Variants in TAF13 observed in about 807,000 individuals in gnomAD.
The protein encoded by TAF13 is TATA-box binding protein associated factor 13, also known as transcription initiation factor TFIID subunit 13.
A neutral mutation model predicts 18.7 loss-of-function variants in TAF13; 9 were observed. The observed-to-expected ratio is 0.48, with a 90% CI of 0.29 to 0.84. The LOEUF (loss-of-function observed/expected upper bound fraction) is 0.84. TAF13 is among the 40% of genes least tolerant of loss of function. TAF13 has a pLI of 0.08. For synonymous variants in TAF13, 49 were observed against 44.1 expected, an observed-to-expected ratio of 1.11 and a Z score of -0.44; for missense variants, 105 against 146.5, an observed-to-expected ratio of 0.72 and a Z score of 1.46.
In TAF13 at chr1:109,073,759, G is replaced by A. The variant is rs554492184; in HGVS notation, c.106+1228C>T. 5.3e-5 allele frequency among the ~76,000 whole-genome samples: 8 copies of A among 152,344 alleles called. No individual in the cohort carries two copies. The East Asian group carries it at 1.5e-3, about 29-fold the overall frequency. ...GCCTGCCTTGGCCTCCCAAAGTGCT[G>A]AGATTGCAGCCTCTGCCCGGCTGCC... is the stretch of plus-strand genomic sequence containing the variant. On this transcript the variant is annotated intron_variant, in intron 2 of 3. Coordinates refer to ENST00000338366, the MANE Select transcript of TAF13 (RefSeq NM_005645.4).
At chr1:109,070,845 C>T (rs141711872) in intron 2 of TAF13, among the ~76,000 whole-genome samples, 6 of 152,326 alleles carry the variant, frequency 3.9e-5, no homozygotes, top group East Asian at 1.9e-4. Context: ...TGCTAACAAC[C>T]GACTGAACAT....
chr1:109,073,935 G>C (rs927604348), intron 2 of TAF13, among the ~76,000 whole-genome samples: 2 of 151,522 alleles, frequency 1.3e-5, no homozygotes, highest in Admixed American at 1.3e-4. Context: ...ACCGCTGCCC[G>C]GCCGCCACCC....
At chr1:109,074,569 T>A (rs1407746042) in intron 2 of TAF13, among the ~76,000 whole-genome samples, 2 of 151,544 alleles carry the variant, frequency 1.3e-5, no homozygotes, top group East Asian at 1.9e-4. Flanking sequence ...CCAAGAATGA[T>A]CAATAAATAC....
At chr1:109,065,853 G>A (rs1196579611) in intron 3 of TAF13, among the ~76,000 whole-genome samples, 1 of 151,494 alleles carries the variant, frequency 6.6e-6, no homozygotes, top group Non-Finnish European at 1.5e-5. Flanking sequence ...TCCGGGAGAC[G>A]GAGGTTGCAG....
chr1:109,064,692 G>T lies in TAF13; in HGVS notation c.206C>A (p.Thr69Asn). The change falls in exon 4 of 4, where the codon ACT becomes AAT. Residue 69 changes from threonine to asparagine, a missense_variant and splice_region_variant. Transcript: ENST00000338366. ...DLVIEFITEMTHKAMSIGRQG... is the reference protein window; with the variant it reads ...DLVIEFITEMNHKAMSIGRQG... ...TCTTCCAATTGACATTGCCTTGTGA[G>T]TCTATTACAAAGAAACATATTACAT... 6.8e-7 allele frequency: 1 copy of T among 1,472,170 alleles called. No individual in the cohort carries two copies. Among genetic ancestry groups the T allele is most frequent in the Non-Finnish European group, 9.0e-7 (1 of 1,109,580 alleles). 91.2% of individuals were successfully genotyped at this position (1,472,170 alleles called of 1,614,324 possible).
At chr1:109,070,435 T>C (rs1664029002) in intron 2 of TAF13, among the ~76,000 whole-genome samples, 1 of 152,196 alleles carries the variant, frequency 6.6e-6, no homozygotes, top group Non-Finnish European at 1.5e-5. Flanking sequence ...GCCAGGCTGG[T>C]CTGGATCTGC....
intron 2 of TAF13, 61 bp from the exon 3 acceptor site, chr1:109,066,293 A>T: frequency 2.9e-6 from 4 of 1,361,878 alleles, no homozygotes; most frequent in East Asian, 2.4e-5. Flanking sequence ...TTGATACTTT[A>T]AAAAAATAAA....
In TAF13 at chr1:109,064,440, G is replaced by C; in HGVS notation, c.*83C>G. The C allele has an allele frequency of 8.4e-7, 1 of 1,197,048 alleles. No homozygotes were observed. Among genetic ancestry groups the C allele is most frequent in the Non-Finnish European group, 1.1e-6 (1 of 914,942 alleles). 74.2% of individuals were successfully genotyped at this position (1,197,048 alleles called of 1,614,324 possible). ...TCTCCATCTTTCATTTACATGGCTA[G>C]ATATCAGAATCTTACTTTAGAAAAT... On this transcript the variant is annotated 3_prime_UTR_variant, in exon 4 of 4. Transcript: ENST00000338366.
chr1:109,073,999 A>G (rs1421215887), intron 2 of TAF13, among the ~76,000 whole-genome samples: 1 of 151,346 alleles, frequency 6.6e-6, no homozygotes, highest in Non-Finnish European at 1.5e-5. Flanking sequence ...CTGGGAACTG[A>G]GGAGCGCCTC....
At position 109,066,445 on chromosome 1, in the gene TAF13, T is replaced by C. The variant is rs546751283; in HGVS notation, c.107-213A>G. The stretch of plus-strand genomic sequence containing the variant: ...GTTCCCACGTAGCCTCCAGCAAAAC[T>C]CTTCCTTCCTCCCACCTACTGAACC... On this transcript the variant is annotated intron_variant, in intron 2 of 3. Coordinates refer to ENST00000338366, the MANE Select transcript of TAF13 (RefSeq NM_005645.4). Among the ~76,000 whole-genome samples the C allele has an allele frequency of 3.3e-5, 5 of 152,266 alleles. No individual in the cohort carries two copies. In the East Asian group the frequency reaches 9.6e-4, roughly 29 times the overall value.
intron 2 of TAF13, among the ~76,000 whole-genome samples, chr1:109,068,633 C>A (rs1279076829): frequency 6.6e-6 from 1 of 152,174 alleles, no homozygotes; most frequent in East Asian, 1.9e-4. Context: ...CAGGTGTGAG[C>A]CACCACACCC....
intron 1 of TAF13, among the ~76,000 whole-genome samples, chr1:109,075,531 T>C (rs1414906154): frequency 3.3e-5 from 5 of 152,200 alleles, no homozygotes; most frequent in Admixed American, 3.3e-4. Flanking sequence ...AATAACTTGC[T>C]CAGAGAGAAT....
intron 3 of TAF13, 91 bp from the exon 4 acceptor site, chr1:109,064,784 G>A (rs1325664051): frequency 5.7e-6 from 6 of 1,054,162 alleles, no homozygotes; most frequent in Non-Finnish European, 7.6e-6. Flanking sequence ...TGAGGTAGAA[G>A]ATTTTCTCTT....
At position 109,071,954 on chromosome 1, in the gene TAF13, G is replaced by GAAAAAAAAAAA. The variant is rs1171636503; in HGVS notation, c.106+3032_106+3033insTTTTTTTTTTT. ...CAACAGTGAGACTCTGTCTCAAAAAGAAAATATATATATATATATATACAC... is the reference window on the plus strand; with the variant it reads ...CAACAGTGAGACTCTGTCTCAAAAAGAAAAAAAAAAAAAAATATATATATATATATATACAC... On this transcript the variant is annotated intron_variant, in intron 2 of 3. Transcript: ENST00000338366. Among the ~76,000 whole-genome samples the GAAAAAAAAAAA allele has an allele frequency of 1.2e-4, 5 of 40,484 alleles. 1 individual carries two copies. Among genetic ancestry groups the GAAAAAAAAAAA allele is most frequent in the South Asian group, 3.1e-3 (2 of 646 alleles). 26.6% of individuals were successfully genotyped at this position (40,484 alleles called of 152,430 possible).
intron 2 of TAF13, among the ~76,000 whole-genome samples, chr1:109,073,926 C>A (rs551903632): frequency 2.0e-4 from 30 of 151,860 alleles, no homozygotes; most frequent in African/African-American, 7.2e-4. Flanking sequence ...GTGAGGAGCA[C>A]CGCTGCCCGG....
chr1:109,066,256 T>A, intron 2 of TAF13, 24 bp from the exon 3 acceptor site: 2 of 1,549,208 alleles, frequency 1.3e-6, no homozygotes, highest in Non-Finnish European at 1.7e-6. Context: ...ATCACTTACT[T>A]TTGTTTACTT....
chr1:109,074,779 C>CAA (rs35227534), intron 2 of TAF13, among the ~76,000 whole-genome samples: 4,182 of 104,990 alleles, frequency 0.04, 193 homozygotes, highest in African/African-American at 0.13. Flanking sequence ...GACTCCGTCT[C>CAA]AAAAAAAAAA....
intron 2 of TAF13, among the ~76,000 whole-genome samples, chr1:109,072,998 G>C (rs1291713696): frequency 6.6e-6 from 1 of 151,758 alleles, no homozygotes; most frequent in Non-Finnish European, 1.5e-5. Flanking sequence ...CTCCCAAAGT[G>C]CTGGGATTAC....
At chr1:109,069,627 C>T (rs1347659289) in intron 2 of TAF13, among the ~76,000 whole-genome samples, 1 of 151,330 alleles carries the variant, frequency 6.6e-6, no homozygotes, top group African/African-American at 2.4e-5. Context: ...ATTTATTGTA[C>T]CTAAGTTTTT....
Sources: gnomAD v4.1 joint callset for allele counts (sites outside exome capture counted in the v4.1 genomes callset) on GRCh38, gnomAD v4.1.1 for gene constraint, MANE v1.5 for transcripts, NCBI Gene and HGNC (gene_info 2026-07-23, HGNC 2026-07-21) for gene names.